Variants in RAD51B observed in about 807,000 individuals in gnomAD.
RAD51B encodes DNA repair protein RAD51 homolog 2.
Under a neutral mutation model 42.2 loss-of-function variants are expected in RAD51B, and 38 were observed. That is an observed-to-expected ratio of 0.90 (90% CI 0.70 to 1.18). RAD51B has a LOEUF of 1.18. Among genes scored for constraint, RAD51B ranks in the 50% most tolerant of loss-of-function variants. The pLI is 0.00. For synonymous variants in RAD51B, 154 were observed against 145.2 expected, an observed-to-expected ratio of 1.06 and a Z score of -0.43; for missense variants, 373 against 400.7, an observed-to-expected ratio of 0.93 and a Z score of 0.59.
In RAD51B at chr14:68,366,023, G is replaced by A. The variant is rs541448478; in HGVS notation, c.854-45401G>A. Among the ~76,000 whole-genome samples, 9 of 152,100 alleles carry A rather than the reference G, an allele frequency of 5.9e-5. No individual in the cohort carries two copies. In the East Asian group the frequency reaches 9.6e-4, roughly 16 times the overall value. On this transcript the variant is annotated intron_variant, in intron 8 of 10. Transcript: ENST00000471583. ...ACAGAGCAATTCAAAGACTAGTGTC[G>A]CTTTTTGATAAATTAAAAATACTTT...
chr14:68,003,248 C>G (rs1050971193), intron 7 of RAD51B, among the ~76,000 whole-genome samples: 2 of 151,950 alleles, frequency 1.3e-5, no homozygotes, highest in Non-Finnish European at 2.9e-5. Flanking sequence ...CTTCACTTCC[C>G]TTGTTAGCCT....
chr14:68,641,496 C>T (rs1461339241), intron 10 of RAD51B, among the ~76,000 whole-genome samples: 1 of 124,798 alleles, frequency 8.0e-6, no homozygotes, highest in Non-Finnish European at 1.7e-5. Flanking sequence ...TGTTGAAAAA[C>T]TATAACAGGG....
chr14:68,223,837 G>A (rs189140659), intron 7 of RAD51B, among the ~76,000 whole-genome samples: 17 of 152,224 alleles, frequency 1.1e-4, no homozygotes, highest in Admixed American at 2.6e-4. Flanking sequence ...CCTGAGCCCT[G>A]CTATTGTTTC....
intron 7 of RAD51B, among the ~76,000 whole-genome samples, chr14:68,201,104 T>G (rs984335466): frequency 1.3e-5 from 2 of 152,194 alleles, no homozygotes; most frequent in Non-Finnish European, 2.9e-5. Flanking sequence ...CCTCATGAAT[T>G]TTTTAAAAAA....
intron 7 of RAD51B, among the ~76,000 whole-genome samples, chr14:68,020,891 G>A (rs2075853126): frequency 6.6e-6 from 1 of 152,204 alleles, no homozygotes; most frequent in Non-Finnish European, 1.5e-5. Flanking sequence ...TTTGCAGCAT[G>A]ATTTTTGTGG....
At chr14:68,278,972 A>G (rs1284224605) in intron 7 of RAD51B, among the ~76,000 whole-genome samples, 1 of 151,844 alleles carries the variant, frequency 6.6e-6, no homozygotes, top group East Asian at 1.9e-4. Flanking sequence ...TGACCATTTC[A>G]TGAGGTTTCT....
At chr14:67,952,003 T>C (rs1266724952) in intron 7 of RAD51B, among the ~76,000 whole-genome samples, 1 of 139,612 alleles carries the variant, frequency 7.2e-6, no homozygotes, top group African/African-American at 3.2e-5. Context: ...TACAAAAAAT[T>C]CTTCGGTGGG....
At chr14:68,213,043 A>G (rs1372691830) in intron 7 of RAD51B, among the ~76,000 whole-genome samples, 1 of 152,158 alleles carries the variant, frequency 6.6e-6, no homozygotes, top group African/African-American at 2.4e-5. Context: ...TCCTCAGGGT[A>G]AGCCTCAGGA....
At chr14:68,374,145 C>T (rs572404652) in intron 8 of RAD51B, among the ~76,000 whole-genome samples, 56 of 152,324 alleles carry the variant, frequency 3.7e-4, no homozygotes, top group African/African-American at 1.3e-3. Context: ...TCAATCCTGG[C>T]ACTTTCCCTC....
chr14:67,905,034 G>A (rs757692628), intron 7 of RAD51B, among the ~76,000 whole-genome samples: 1 of 149,134 alleles, frequency 6.7e-6, no homozygotes, highest in Admixed American at 6.7e-5. Context: ...TATGGTTTTT[G>A]TAGTTTTAAG....
intron 7 of RAD51B, among the ~76,000 whole-genome samples, chr14:68,061,869 C>T (rs547905019): frequency 1.3e-5 from 2 of 152,202 alleles, no homozygotes; most frequent in East Asian, 1.9e-4. Context: ...TTCTCCTTTT[C>T]GATTTGGATG....
At chr14:68,289,570 C>T (rs190362289) in intron 7 of RAD51B, among the ~76,000 whole-genome samples, 233 of 152,132 alleles carry the variant, frequency 1.5e-3, no homozygotes, top group African/African-American at 4.5e-3. Flanking sequence ...CAAAATTAGC[C>T]GGGCATGGTG....
At chr14:68,618,190 A>G (rs1231704967) in intron 10 of RAD51B, among the ~76,000 whole-genome samples, 1 of 152,136 alleles carries the variant, frequency 6.6e-6, no homozygotes, top group East Asian at 1.9e-4. Flanking sequence ...GCTATCTTAC[A>G]TTTGCTCTCC....
At chr14:68,171,246 G>T (rs537912679) in intron 7 of RAD51B, among the ~76,000 whole-genome samples, 12 of 152,294 alleles carry the variant, frequency 7.9e-5, no homozygotes, top group African/African-American at 2.9e-4. Context: ...TTCTGTAGCA[G>T]AATCTTATTT....
At chr14:68,077,518 G>A (rs1461429909) in intron 7 of RAD51B, among the ~76,000 whole-genome samples, 2 of 152,168 alleles carry the variant, frequency 1.3e-5, no homozygotes. Context: ...CCTTTTCTAA[G>A]CATACACACA....
chr14:68,422,221 A>C (rs1191945823), intron 9 of RAD51B: 1 of 968,888 alleles, frequency 1.0e-6, no homozygotes, highest in Non-Finnish European at 1.7e-6. Flanking sequence ...GGTTTTCCTC[A>C]GCGGTGGCGT....
intron 9 of RAD51B, among the ~76,000 whole-genome samples, chr14:68,458,663 AATTAT>A (rs1197848347): frequency 2.7e-5 from 4 of 150,128 alleles, no homozygotes; most frequent in Admixed American, 1.3e-4. Context: ...CAGAGACTAC[AATTAT>A]ATTATTTATA....
chr14:68,617,631 C>G (rs1891852113), intron 10 of RAD51B, among the ~76,000 whole-genome samples: 1 of 152,178 alleles, frequency 6.6e-6, no homozygotes, highest in South Asian at 2.1e-4. Flanking sequence ...CTTAACAAGA[C>G]TACCATACTG....
intron 7 of RAD51B, among the ~76,000 whole-genome samples, chr14:67,928,540 T>C (rs1366367163): frequency 6.6e-6 from 1 of 152,076 alleles, no homozygotes; most frequent in Non-Finnish European, 1.5e-5. Context: ...CCTCCCACCT[T>C]CGTCCTTTAA....
Sources: gnomAD v4.1 joint callset for allele counts (sites outside exome capture counted in the v4.1 genomes callset) on GRCh38, gnomAD v4.1.1 for gene constraint, MANE v1.5 for transcripts, NCBI Gene and HGNC (gene_info 2026-07-23, HGNC 2026-07-21) for gene names.